The following APLP2 variants were observed in gnomAD, a reference collection of about 807,000 sequenced individuals.
APLP2 encodes amyloid beta precursor like protein 2, also known as CDEI box-binding protein.
A neutral mutation model predicts 89.9 loss-of-function variants in APLP2; 53 were observed. The observed-to-expected ratio is 0.59, with a 90% confidence interval of 0.47 to 0.74. The LOEUF (loss-of-function observed/expected upper bound fraction) is 0.74. Among genes scored for constraint, APLP2 ranks in the 30% least tolerant of loss-of-function variants. The pLI is 0.00. For missense variants in APLP2, 973 were observed against 975.9 expected (o/e 1.00, Z 0.04); for synonymous variants, 372 against 348.6 (o/e 1.07, Z -0.75).
At chr11:130,091,089 G>A (rs1944999339) in intron 1 of APLP2, among the ~76,000 whole-genome samples, 3 of 146,030 alleles carry the variant, frequency 2.1e-5, no homozygotes, top group African/African-American at 7.7e-5. Context: ...CCGGGCGGGG[G>A]GCTGACCCCC....
chr11:130,075,228 C>T (rs74372559), intron 1 of APLP2, among the ~76,000 whole-genome samples: 9,062 of 152,272 alleles, frequency 0.06, 275 homozygotes, highest in Non-Finnish European at 0.073. Context: ...TGGCTCACTG[C>T]GGCCTCAAAC....
At chr11:130,127,342 T>G (rs1950499615) in intron 8 of APLP2, among the ~76,000 whole-genome samples, 1 of 152,116 alleles carries the variant, frequency 6.6e-6, no homozygotes, top group South Asian at 2.1e-4. Flanking sequence ...TTCTTCTGGA[T>G]TTACTCAGGA....
Position 130,143,545 on chromosome 11 carries a change from C to T in APLP2, c.*97C>T. 1 of 992,452 alleles carries T rather than the reference C, an allele frequency of 1.0e-6. No individual in the cohort carries two copies. Among genetic ancestry groups the T allele is most frequent in the Non-Finnish European group, 1.6e-6 (1 of 628,976 alleles). 61.5% of individuals were successfully genotyped at this position (992,452 alleles called of 1,614,324 possible). A position where few individuals can be genotyped will look rare whatever the true frequency, so the allele number is the denominator to read the frequency against. ...GCCAAGCAGCAGCCGCTGCCAGGGG[C>T]TGCGTCTGACATCCTGACCTCCTGG... On this transcript the variant is annotated 3_prime_UTR_variant, in exon 17 of 17. Coordinates refer to ENST00000338167, the MANE Select transcript of APLP2 (RefSeq NM_001142276.2).
At chr11:130,101,002 T>C (rs1946835275) in intron 1 of APLP2, among the ~76,000 whole-genome samples, 1 of 152,196 alleles carries the variant, frequency 6.6e-6, no homozygotes, top group Admixed American at 6.5e-5. Flanking sequence ...CTGAAAAAGA[T>C]ACTCTTAAAG....
At chr11:130,124,820 C>T (rs995893035) in intron 7 of APLP2, among the ~76,000 whole-genome samples, 1 of 152,168 alleles carries the variant, frequency 6.6e-6, no homozygotes, top group African/African-American at 2.4e-5. Flanking sequence ...AAAAGGAGGC[C>T]TTAGGGAACC....
rs761155845 is a variant in APLP2, at chr11:130,123,683, A to G, written c.994A>G (p.Lys332Glu). The G allele has an allele frequency of 1.9e-6, 3 of 1,614,134 alleles. No homozygotes were observed. In the African/African-American group the frequency reaches 4.0e-5, roughly 22 times the overall value. The change falls in exon 7 of 17, where the codon AAG becomes GAG. Residue 332 changes from lysine to glutamate, a missense_variant. By Grantham distance (56) the Lys-to-Glu change is moderately conservative. Transcript: ENST00000338167. The surrounding 1 kb of genome is among the most constrained non-coding windows in gnomAD (Gnocchi z 4.0). ...VMPRWYFDLS[K>E]GKCVRFIYGG... ...GCCTCGTTGGTACTTCGACCTCTCCAAGGGAAAGTGCGTGCGCTTTATATA... is the reference window on the plus strand; with the variant it reads ...GCCTCGTTGGTACTTCGACCTCTCCGAGGGAAAGTGCGTGCGCTTTATATA...
intron 3 of APLP2, among the ~76,000 whole-genome samples, chr11:130,116,383 C>T (rs1190265072): frequency 6.6e-6 from 1 of 151,834 alleles, no homozygotes; most frequent in African/African-American, 2.4e-5. Flanking sequence ...TAATTAATTC[C>T]CTCTCGATGG....
At position 130,135,615 on chromosome 11, in the gene APLP2, C is replaced by T. The variant is rs370383837; in HGVS notation, c.1737C>T (p.Ile579=). 5.0e-6 allele frequency: 8 copies of T among 1,614,080 alleles called. No homozygotes were observed. The highest frequency in any genetic ancestry group is 1.3e-5 in the African/African-American group (1 of 74,922). The change falls in exon 13 of 17, where the codon ATC becomes ATT. Residue 579 remains isoleucine (I), a synonymous_variant. Coordinates refer to ENST00000338167, the MANE Select transcript of APLP2 (RefSeq NM_001142276.2). ...RADMDQFTAS[I]SETPVDVRVS... is the part of the protein sequence containing the mutation. ...ATATGGACCAGTTCACTGCCTCAAT[C>T]TCAGAGACCCCTGTGGACGTCCGGG...
intron 3 of APLP2, among the ~76,000 whole-genome samples, chr11:130,112,569 C>T (rs1431143230): frequency 6.6e-6 from 1 of 151,280 alleles, no homozygotes; most frequent in Non-Finnish European, 1.5e-5. Context: ...TCCTAAGACA[C>T]TCAGGGTGCT....
intron 3 of APLP2, among the ~76,000 whole-genome samples, chr11:130,115,665 G>A (rs1308606587): frequency 6.6e-6 from 1 of 152,212 alleles, no homozygotes; most frequent in African/African-American, 2.4e-5. Context: ...TAAAATTGAG[G>A]ATGTTACCAG....
At chr11:130,137,434 C>T in intron 13 of APLP2, 1 of 793,508 alleles carries the variant, frequency 1.3e-6, no homozygotes, top group South Asian at 1.4e-5. Context: ...GGGGTCAGAG[C>T]AGCCCCACCT....
intron 1 of APLP2, 119 bp downstream of exon 1, chr11:130,070,201 C>A: frequency 2.2e-6 from 1 of 451,868 alleles, no homozygotes; most frequent in Non-Finnish European, 3.2e-6. Context: ...GGGGGTCCGG[C>A]TCTGCGGCGG....
chr11:130,132,075 G>T (rs1950986207), intron 11 of APLP2, among the ~76,000 whole-genome samples: 1 of 152,128 alleles, frequency 6.6e-6, no homozygotes, highest in Admixed American at 6.5e-5. Context: ...TTGCTGTAGA[G>T]ACACTAATTT....
chr11:130,078,449 T>C (rs1942521170), intron 1 of APLP2, among the ~76,000 whole-genome samples: 1 of 152,182 alleles, frequency 6.6e-6, no homozygotes, highest in African/African-American at 2.4e-5. Context: ...AAGAAGTTCT[T>C]AATTTTAATG....
rs1591837237 is a variant in APLP2, at chr11:130,129,960, A to G, written c.1456-78A>G. 1.5e-5 allele frequency: 23 copies of G among 1,520,400 alleles called. No homozygotes were observed. In the East Asian group the frequency reaches 5.0e-4, roughly 33 times the overall value. 94.2% of individuals were successfully genotyped at this position (1,520,400 alleles called of 1,614,324 possible). ...AGCTGAGCTTTACATTCTTAAGTGA[A>G]CTTTTTAAGCTTTTGTTTTCCTGCC... On this transcript the variant is annotated intron_variant, in intron 10 of 16. Transcript: ENST00000338167.
At chr11:130,118,770 G>C (rs1483399025) in intron 3 of APLP2, among the ~76,000 whole-genome samples, 2 of 152,160 alleles carry the variant, frequency 1.3e-5, no homozygotes, top group African/African-American at 4.8e-5. Context: ...TGCAGGTACT[G>C]CCTCCCCTAG....
chr11:130,100,842 T>TA (rs1165639750), intron 1 of APLP2, among the ~76,000 whole-genome samples: 1 of 152,232 alleles, frequency 6.6e-6, no homozygotes, highest in Non-Finnish European at 1.5e-5. Flanking sequence ...GTTTAAATGT[T>TA]AAAAAATCAA....
intron 1 of APLP2, among the ~76,000 whole-genome samples, chr11:130,107,870 C>T (rs559003731): frequency 1.2e-4 from 18 of 152,258 alleles, no homozygotes; most frequent in Non-Finnish European, 1.9e-4. Flanking sequence ...AGCAGAAATA[C>T]AGACCGATGG....
At chr11:130,070,402 G>A (rs567576768) in intron 1 of APLP2, among the ~76,000 whole-genome samples, 9 of 151,320 alleles carry the variant, frequency 5.9e-5, no homozygotes, top group Non-Finnish European at 1.0e-4. Context: ...GTGCCCCCGG[G>A]CGCCCGCCCC....
Sources: allele counts gnomAD v4.1 joint callset (sites outside exome capture counted in the v4.1 genomes callset), GRCh38; gene constraint gnomAD v4.1.1; non-coding constraint Gnocchi (gnomAD v3.1); transcripts MANE v1.5; gene names NCBI Gene and HGNC (gene_info 2026-07-23, HGNC 2026-07-21).